KCNH5: variants seen among roughly 807,000 people sequenced by gnomAD.
The protein encoded by KCNH5 is potassium voltage-gated channel subfamily H member 5.
In KCNH5, 46 loss-of-function variants were observed where a neutral mutation model predicts 96.1. That is an observed-to-expected ratio of 0.48 (90% CI 0.38 to 0.61). The LOEUF is 0.61. Ranked by LOEUF, KCNH5 falls within the 20% of genes least tolerant of loss-of-function variation. The probability of loss-of-function intolerance (pLI) is 0.00; values close to 1 mark genes in which losing one functional copy is unlikely to be tolerated. For synonymous variants in KCNH5, 439 were observed against 449.8 expected (o/e 0.98, Z 0.30); for missense variants, 907 against 1,225.8 (o/e 0.74, Z 3.88).
At chr14:62,819,429 A>T (rs1887069531) in intron 8 of KCNH5, among the ~76,000 whole-genome samples, 1 of 152,188 alleles carries the variant, frequency 6.6e-6, no homozygotes, top group African/African-American at 2.4e-5. Flanking sequence ...TAGACACAGA[A>T]AATAGAACAG....
chr14:62,707,674 T>A lies in KCNH5; in HGVS notation c.2801A>T (p.Gln934Leu), dbSNP rs1252884699. 6.3e-7 allele frequency: 1 copy of A among 1,590,012 alleles called. No individual in the cohort carries two copies. Among genetic ancestry groups the A allele is most frequent in the Non-Finnish European group, 8.6e-7 (1 of 1,163,610 alleles). Residue 934 changes from glutamine to leucine, a missense_variant, in exon 11 of 11, where the codon CAG becomes CTG. Coordinates refer to ENST00000322893, the MANE Select transcript of KCNH5 (RefSeq NM_139318.5). ...LSCRMTALEK[Q>L]VAEILKILSE... ...CAGTATTTTTAAAATTTCTGCCACC[T>A]GCTTTTCTAGGGCAGTCATTCTGCA...
At chr14:62,796,002 T>C (rs936270092) in intron 9 of KCNH5, among the ~76,000 whole-genome samples, 1 of 152,128 alleles carries the variant, frequency 6.6e-6, no homozygotes, top group African/African-American at 2.4e-5. Flanking sequence ...GGAAACTTCC[T>C]GCAATTCAGT....
chr14:62,870,507 A>G (rs1888232382), intron 7 of KCNH5, among the ~76,000 whole-genome samples: 1 of 152,184 alleles, frequency 6.6e-6, no homozygotes. Flanking sequence ...GAGTAGTGGC[A>G]GATCACACAC....
chr14:62,702,525 G>C lies in KCNH5; in HGVS notation c.*4983C>G, dbSNP rs909781757. ...GTAACAAGTATGCCATCCTGGACAA[G>C]TTCCTTAACCTATACCTTCATGGGG... On this transcript the variant is annotated 3_prime_UTR_variant, in exon 11 of 11. Coordinates refer to ENST00000322893, the MANE Select transcript of KCNH5 (RefSeq NM_139318.5). The C allele has an allele frequency of 1.3e-5, 2 of 151,952 alleles. No individual in the cohort carries two copies. Among genetic ancestry groups the C allele is most frequent in the African/African-American group, 4.8e-5 (2 of 41,432 alleles). The allele number at this position is 151,952 out of a possible 1,614,324, so 9.4% of individuals were successfully genotyped here. A position where few individuals can be genotyped will look rare whatever the true frequency, so the allele number is the denominator to read the frequency against.
In KCNH5 at chr14:62,843,409, GCTT is replaced by G. The variant is rs1595650823; in HGVS notation, c.1569+6241_1569+6243del. On this transcript the variant is annotated intron_variant, in intron 8 of 10. Transcript: ENST00000322893. ...ATATTCACATGGATATATTTACATG[GCTT>G]TTTTTTTTTTTTTTTTTTTGACAGT... Among the ~76,000 whole-genome samples the G allele has an allele frequency of 2.2e-5, 3 of 133,696 alleles. No individual in the cohort carries two copies. The East Asian group carries it at 6.7e-4, about 30-fold the overall frequency. 87.7% of individuals were successfully genotyped at this position (133,696 alleles called of 152,430 possible).
chr14:62,976,078 G>A (rs1890492736), intron 6 of KCNH5, among the ~76,000 whole-genome samples: 1 of 150,098 alleles, frequency 6.7e-6, no homozygotes, highest in Non-Finnish European at 1.5e-5. Flanking sequence ...AAAGATAAAG[G>A]ATTAGAAAAT....
chr14:62,818,802 T>C (rs1225304906), intron 8 of KCNH5, among the ~76,000 whole-genome samples: 2 of 152,112 alleles, frequency 1.3e-5, no homozygotes, highest in Admixed American at 6.6e-5. Context: ...TATAACCCCA[T>C]TATATTTACA....
chr14:62,729,168 C>A (rs1399184437), intron 10 of KCNH5, among the ~76,000 whole-genome samples: 1 of 152,170 alleles, frequency 6.6e-6, no homozygotes, highest in Non-Finnish European at 1.5e-5. Context: ...TTATCTGGAT[C>A]TTCTTCCTCT....
At chr14:62,868,529 A>G (rs139974490) in intron 7 of KCNH5, among the ~76,000 whole-genome samples, 130 of 151,938 alleles carry the variant, frequency 8.6e-4, no homozygotes, top group African/African-American at 2.9e-3. Flanking sequence ...CAATTATCAC[A>G]TTGTGCTTTT....
intron 7 of KCNH5, among the ~76,000 whole-genome samples, chr14:62,860,305 T>C (rs1042079146): frequency 6.6e-5 from 10 of 152,198 alleles, no homozygotes; most frequent in Non-Finnish European, 1.2e-4. Context: ...CTATCTACCA[T>C]TGACACCTCA....
At chr14:62,766,716 G>T (rs1361246811) in intron 10 of KCNH5, among the ~76,000 whole-genome samples, 1 of 152,042 alleles carries the variant, frequency 6.6e-6, no homozygotes, top group African/African-American at 2.4e-5. Flanking sequence ...GGGTACTTGG[G>T]GATGGTTAAT....
chr14:62,862,042 G>A (rs1358720885), intron 7 of KCNH5, among the ~76,000 whole-genome samples: 1 of 151,990 alleles, frequency 6.6e-6, no homozygotes, highest in East Asian at 1.9e-4. Context: ...AATGACCCAG[G>A]AATCTTTGCT....
chr14:63,011,133 T>G (rs1201760748), intron 2 of KCNH5, among the ~76,000 whole-genome samples: 1 of 151,794 alleles, frequency 6.6e-6, no homozygotes, highest in Admixed American at 6.6e-5. Context: ...AGTCGAAGGA[T>G]CAAAAAAGAT....
chr14:63,011,095 G>T (rs1194401576), intron 2 of KCNH5, among the ~76,000 whole-genome samples: 1 of 152,092 alleles, frequency 6.6e-6, no homozygotes, highest in African/African-American at 2.4e-5. Flanking sequence ...GAATCATAAA[G>T]GTTAATGGGA....
chr14:62,846,271 A>G (rs1887689035), intron 8 of KCNH5, among the ~76,000 whole-genome samples: 3 of 152,146 alleles, frequency 2.0e-5, no homozygotes, highest in African/African-American at 7.2e-5. Context: ...CAAGTATTCT[A>G]ACTCTTCTTA....
intron 6 of KCNH5, among the ~76,000 whole-genome samples, chr14:62,971,311 C>A (rs1267133984): frequency 1.3e-5 from 2 of 152,006 alleles, no homozygotes; most frequent in Non-Finnish European, 2.9e-5. Context: ...ATAAAATGTG[C>A]ACATGATCTA....
intron 8 of KCNH5, among the ~76,000 whole-genome samples, chr14:62,837,585 A>G (rs149285998): frequency 6.8e-4 from 104 of 152,328 alleles, no homozygotes; most frequent in Non-Finnish European, 1.3e-3. Context: ...AGAAAACTTA[A>G]ATGATGATGA....
chr14:62,718,698 T>C (rs986572723), intron 10 of KCNH5, among the ~76,000 whole-genome samples: 3 of 152,128 alleles, frequency 2.0e-5, no homozygotes, highest in Admixed American at 2.0e-4. Flanking sequence ...ACCCAGCAAT[T>C]CTACTCCTAT....
chr14:62,976,389 C>G (rs550930395), intron 6 of KCNH5, among the ~76,000 whole-genome samples: 3 of 131,024 alleles, frequency 2.3e-5, no homozygotes, highest in African/African-American at 2.9e-5. Flanking sequence ...GGTGACAGAG[C>G]GAGACTCCAT....
Sources: gnomAD v4.1 joint callset for allele counts (sites outside exome capture counted in the v4.1 genomes callset) on GRCh38, gnomAD v4.1.1 for gene constraint, MANE v1.5 for transcripts, NCBI Gene and HGNC (gene_info 2026-07-23, HGNC 2026-07-21) for gene names.